The following RBFOX1 variants were observed in gnomAD, a reference collection of about 807,000 sequenced individuals.
RBFOX1 encodes the protein RNA binding fox-1 homolog 1, also known as RNA binding protein fox-1 homolog 1.
Under a neutral mutation model 57.7 loss-of-function variants are expected in RBFOX1, and 8 were observed. The ratio of observed to expected loss-of-function variants is 0.14; its 90% confidence interval spans 0.08 to 0.25. The LOEUF is 0.25. Ranked by LOEUF, RBFOX1 falls within the 10% of genes least tolerant of loss-of-function variation. The probability of loss-of-function intolerance (pLI) is 1.00; values close to 1 mark genes in which losing one functional copy is unlikely to be tolerated. For synonymous variants in RBFOX1, 326 were observed against 222.4 expected, an observed-to-expected ratio of 1.47 and a Z score of -4.15; for missense variants, 611 against 548.5, an observed-to-expected ratio of 1.11 and a Z score of -1.14.
chr16:6,653,971 G>A (rs577479247), intron 2 of RBFOX1, among the ~76,000 whole-genome samples: 3 of 31,580 alleles, frequency 9.5e-5, no homozygotes, highest in East Asian at 9.3e-4. Flanking sequence ...ATGGTTGGAC[G>A]GATGGATGGA....
chr16:6,960,090 A>T (rs539785432), intron 3 of RBFOX1, among the ~76,000 whole-genome samples: 1 of 152,162 alleles, frequency 6.6e-6, no homozygotes. Context: ...CCCATTTAGG[A>T]TTAAACAAGT....
At chr16:7,694,739 A>G (rs1230515802) in intron 14 of RBFOX1, among the ~76,000 whole-genome samples, 1 of 152,180 alleles carries the variant, frequency 6.6e-6, no homozygotes, top group Non-Finnish European at 1.5e-5. Context: ...CCTGCAATAC[A>G]AAAGTTGTTT....
chr16:7,364,162 C>T (rs937662138), intron 4 of RBFOX1, among the ~76,000 whole-genome samples: 2 of 152,320 alleles, frequency 1.3e-5, no homozygotes, highest in East Asian at 3.9e-4. Flanking sequence ...GAGTCTACAA[C>T]AGCTCAGCTT....
intron 4 of RBFOX1, among the ~76,000 whole-genome samples, chr16:7,194,071 G>C (rs2086089144): frequency 6.6e-6 from 1 of 151,966 alleles, no homozygotes. Context: ...ATCAATTATT[G>C]GGAGAAGGAG....
intron 2 of RBFOX1, among the ~76,000 whole-genome samples, chr16:5,528,666 T>G (rs2044341518): frequency 6.9e-6 from 1 of 143,888 alleles, no homozygotes; most frequent in African/African-American, 2.5e-5. Context: ...CCTCCCCTCC[T>G]GTCCTCTTTC....
chr16:6,745,923 T>A (rs1028794944), intron 3 of RBFOX1, among the ~76,000 whole-genome samples: 1 of 152,246 alleles, frequency 6.6e-6, no homozygotes, highest in African/African-American at 2.4e-5. Flanking sequence ...TAGAAATGAA[T>A]TTATCAAGTT....
At chr16:6,011,097 A>T (rs1346067350) in intron 4 of RBFOX1, among the ~76,000 whole-genome samples, 4 of 152,214 alleles carry the variant, frequency 2.6e-5, no homozygotes, top group Non-Finnish European at 5.9e-5. Context: ...ACTAGGACTT[A>T]AAGTTAAGTG....
chr16:6,044,204 C>T (rs1395145616), intron 1 of RBFOX1, among the ~76,000 whole-genome samples: 1 of 152,140 alleles, frequency 6.6e-6, no homozygotes, highest in East Asian at 1.9e-4. Context: ...TTAGGCTAGG[C>T]TAAATCTTTC....
At chr16:7,529,007 C>G (rs1005393603) in intron 5 of RBFOX1, among the ~76,000 whole-genome samples, 1 of 152,166 alleles carries the variant, frequency 6.6e-6, no homozygotes. Flanking sequence ...ATCTGTAATC[C>G]CAGCACTTTG....
chr16:6,143,048 T>C (rs567762411), intron 1 of RBFOX1, among the ~76,000 whole-genome samples: 1 of 152,360 alleles, frequency 6.6e-6, no homozygotes, highest in Non-Finnish European at 1.5e-5. Flanking sequence ...ATTTGTTAAG[T>C]GCATGAGTTC....
chr16:6,658,945 G>GTTTTT (rs778640073), intron 3 of RBFOX1, among the ~76,000 whole-genome samples: 2,504 of 139,352 alleles, frequency 0.018, 34 homozygotes, highest in Non-Finnish European at 0.031. Flanking sequence ...TGTTTTTTTT[G>GTTTTT]TTTTTTTTTT....
At chr16:7,697,399 A>T (rs193075433) in intron 14 of RBFOX1, among the ~76,000 whole-genome samples, 6 of 152,126 alleles carry the variant, frequency 3.9e-5, no homozygotes, top group Non-Finnish European at 7.4e-5. Context: ...AGGAAAGCAA[A>T]CCCTTTATCC....
At chr16:5,243,856 T>C (rs1016505469) in intron 1 of RBFOX1, among the ~76,000 whole-genome samples, 1 of 152,224 alleles carries the variant, frequency 6.6e-6, no homozygotes, top group African/African-American at 2.4e-5. Flanking sequence ...TTTACTGAGA[T>C]AATAAGACAG....
At chr16:7,148,594 G>T (rs933807654) in intron 4 of RBFOX1, among the ~76,000 whole-genome samples, 1 of 152,202 alleles carries the variant, frequency 6.6e-6, no homozygotes, top group African/African-American at 2.4e-5. Flanking sequence ...TTCCAAGTTT[G>T]ATTTTCTAAC....
At chr16:6,879,832 T>C (rs1297676521) in intron 3 of RBFOX1, among the ~76,000 whole-genome samples, 4 of 152,262 alleles carry the variant, frequency 2.6e-5, no homozygotes, top group African/African-American at 4.8e-5. Context: ...ATGTTAAATT[T>C]ACAAAGAGGT....
chr16:6,819,124 G>T (rs192705797), intron 3 of RBFOX1, among the ~76,000 whole-genome samples: 63 of 152,262 alleles, frequency 4.1e-4, no homozygotes, highest in Admixed American at 3.1e-3. Flanking sequence ...CAATTTCCAT[G>T]TGGGCTATGG....
intron 4 of RBFOX1, among the ~76,000 whole-genome samples, chr16:7,449,101 G>C (rs746610151): frequency 6.6e-6 from 1 of 151,752 alleles, no homozygotes; most frequent in Non-Finnish European, 1.5e-5. Flanking sequence ...GGCTAACTTT[G>C]TATTTTTAGT....
chr16:5,559,244 C>T (rs142753876), intron 2 of RBFOX1, among the ~76,000 whole-genome samples: 26 of 147,984 alleles, frequency 1.8e-4, no homozygotes, highest in South Asian at 4.3e-4. Context: ...TGGGCAATGG[C>T]GTACCCCTGT....
At chr16:6,450,798 T>TATATAC (rs1555480574) in intron 2 of RBFOX1, among the ~76,000 whole-genome samples, 4,056 of 20,910 alleles carry the variant, frequency 0.19, 605 homozygotes, top group East Asian at 0.36. Flanking sequence ...TACATATATA[T>TATATAC]ATGTATATAT....
Sources: gnomAD v4.1 joint callset for allele counts (sites outside exome capture counted in the v4.1 genomes callset) on GRCh38, gnomAD v4.1.1 for gene constraint, MANE v1.5 for transcripts, NCBI Gene and HGNC (gene_info 2026-07-23, HGNC 2026-07-21) for gene names.